DHX16: variants seen among roughly 807,000 people sequenced by gnomAD.
DHX16 encodes the protein pre-mRNA-splicing factor ATP-dependent RNA helicase DHX16.
DHX16 carries 81 observed loss-of-function variants against 131.2 expected under a neutral mutation model. That is an observed-to-expected ratio of 0.62 (90% CI 0.52 to 0.74). The LOEUF is 0.74. Ranked by LOEUF, DHX16 falls within the 30% of genes least tolerant of loss-of-function variation. The pLI is 0.00. For synonymous variants in DHX16, 440 were observed against 520.2 expected, an observed-to-expected ratio of 0.85 and a Z score of 2.10; for missense variants, 980 against 1,363.1, an observed-to-expected ratio of 0.72 and a Z score of 4.43.
chr6:30,659,944 A>C, intron 10 of DHX16, 88 bp downstream of exon 10: 1 of 1,555,052 alleles, frequency 6.4e-7, no homozygotes, highest in Non-Finnish European at 8.8e-7. Context: ...TGAACCTTCC[A>C]TTCCATCTTT....
At position 30,662,855 on chromosome 6, in the gene DHX16, C is replaced by A; in HGVS notation, c.1428+56G>T. The A allele has an allele frequency of 6.3e-7, 1 of 1,575,384 alleles. No individual in the cohort carries two copies. The highest frequency in any genetic ancestry group is 8.7e-7 in the Non-Finnish European group (1 of 1,147,172). On this transcript the variant is annotated intron_variant, in intron 8 of 19. Coordinates refer to ENST00000376442, the MANE Select transcript of DHX16 (RefSeq NM_003587.5). This position sits in a 1 kb window ranked among gnomAD's most constrained non-coding sequence, Gnocchi z 4.7. ...CTTCTGCTGTAGGGACCTGAGGGAA[C>A]TGTAGACTGAGTCACAGACCCCAGA...
chr6:30,654,558 C>CAA, intron 19 of DHX16, 148 bp downstream of exon 19: 2 of 802,022 alleles, frequency 2.5e-6, no homozygotes, highest in Non-Finnish European at 3.7e-6. Context: ...TCAAAAAAAA[C>CAA]AAAAAAAAAC....
Position 30,654,695 on chromosome 6 carries a change from G to A in DHX16, c.2997+11C>T, listed in dbSNP as rs745480451. 1.4e-5 allele frequency: 22 copies of A among 1,607,772 alleles called. No individual in the cohort carries two copies. The highest frequency in any genetic ancestry group is 1.8e-5 in the Non-Finnish European group (21 of 1,177,096). ...GTCTCCACCTGCGTGGGCACAGGAT[G>A]TTCTCCTCACCTGTCTCATGAACTC... On this transcript the variant is annotated intron_variant, in intron 19 of 19. Transcript: ENST00000376442.
Position 30,665,681 on chromosome 6 carries a change from C to A in DHX16, c.719G>T (p.Arg240Leu). 1 of 1,612,450 alleles carries A rather than the reference C, an allele frequency of 6.2e-7. No individual in the cohort carries two copies. Among genetic ancestry groups the A allele is most frequent in the Non-Finnish European group, 8.5e-7 (1 of 1,180,040 alleles). Residue 240 changes from arginine (R) to leucine (L), a missense_variant, in exon 5 of 20, where the codon CGA becomes CTA. Physicochemically the swap from Arg to Leu is moderately radical, Grantham distance 102 (BLOSUM62 -2). Transcript: ENST00000376442. The surrounding 1 kb of genome is among the most constrained non-coding windows in gnomAD (Gnocchi z 4.8). ...SRREYLAKRE[R>L]EKLEDLEAEL... ...CGCCTCCAGGTCCTCAAGCTTCTCT[C>A]GCTCCCGCTTAGCCAGGTACTCTCG...
chr6:30,657,319 G>A (rs919901007), intron 12 of DHX16, among the ~76,000 whole-genome samples: 2 of 150,874 alleles, frequency 1.3e-5, no homozygotes, highest in Non-Finnish European at 2.9e-5. Context: ...TGGAGAAGAG[G>A]ATTTAGGGTT....
At chr6:30,658,542 C>CA (rs538072025) in intron 12 of DHX16, among the ~76,000 whole-genome samples, 3,061 of 81,956 alleles carry the variant, frequency 0.037, 132 homozygotes, top group African/African-American at 0.1. Context: ...GACTCCATCT[C>CA]AAAAAAAAAA....
intron 1 of DHX16, among the ~76,000 whole-genome samples, chr6:30,671,730 G>A (rs990145383): frequency 4.0e-5 from 6 of 151,880 alleles, no homozygotes; most frequent in Non-Finnish European, 8.8e-5. Context: ...TCCTGAATGG[G>A]GTTTTTTATT....
chr6:30,670,535 T>A lies in DHX16; in HGVS notation c.610-69A>T, dbSNP rs1769438022. ...CCCCACACTGACAGCTGCTCCCCTCTAGAATCACAAGGATCATTCAGATGC... is the reference window on the plus strand; with the variant it reads ...CCCCACACTGACAGCTGCTCCCCTCAAGAATCACAAGGATCATTCAGATGC... On this transcript the variant is annotated intron_variant, in intron 3 of 19. Coordinates refer to ENST00000376442, the MANE Select transcript of DHX16 (RefSeq NM_003587.5). This position sits in a 1 kb window ranked among gnomAD's most constrained non-coding sequence, Gnocchi z 4.4. 2 of 1,511,230 alleles carry A rather than the reference T, an allele frequency of 1.3e-6. No homozygotes were observed. The highest frequency in any genetic ancestry group is 1.8e-5 in the Admixed American group (1 of 54,538). The allele number at this position is 1,511,230 out of a possible 1,614,324, so 93.6% of individuals were successfully genotyped here.
chr6:30,669,700 C>T (rs1353641966), intron 4 of DHX16, among the ~76,000 whole-genome samples: 5 of 140,186 alleles, frequency 3.6e-5, no homozygotes, highest in Admixed American at 3.1e-4. Context: ...ACTCCAGCCT[C>T]GGTGACAGGG....
At chr6:30,661,805 C>T (rs1193092629) in intron 9 of DHX16, 18 of 717,712 alleles carry the variant, frequency 2.5e-5, no homozygotes, top group Non-Finnish European at 1.0e-5. Context: ...CAGGCTGGCT[C>T]GATGGGCAAA....
Position 30,672,244 on chromosome 6 carries a change from G to A in DHX16, c.207+391C>T, listed in dbSNP as rs139384809. Among the ~76,000 whole-genome samples, 134 of 151,830 alleles carry A rather than the reference G, an allele frequency of 8.8e-4. 2 individuals carry two copies. The highest frequency in any genetic ancestry group is 3.4e-3 in the Middle Eastern group (1 of 294). On this transcript the variant is annotated intron_variant, in intron 1 of 19. Transcript: ENST00000376442. ...TGAGGTGGGAGGGTCGCTTCAACCA[G>A]GGAGGTCGACGCTGTAGTGAGCCGT...
Position 30,662,564 on chromosome 6 carries a change from G to C in DHX16, c.1544+63C>G. Reference sequence around the variant, plus strand: ...GATTCAAGAACGGGTGGATTAATCAGAAGACAATGGCTGAATTGGCTGGGT... The same window carrying C: ...GATTCAAGAACGGGTGGATTAATCACAAGACAATGGCTGAATTGGCTGGGT... On this transcript the variant is annotated intron_variant, in intron 9 of 19. Coordinates refer to ENST00000376442, the MANE Select transcript of DHX16 (RefSeq NM_003587.5). This position sits in a 1 kb window ranked among gnomAD's most constrained non-coding sequence, Gnocchi z 4.7. The C allele has an allele frequency of 7.1e-7, 1 of 1,399,950 alleles. No homozygotes were observed. The highest frequency in any genetic ancestry group is 1.7e-5 in the Admixed American group (1 of 57,478). The allele number at this position is 1,399,950 out of a possible 1,614,324, so 86.7% of individuals were successfully genotyped here.
At chr6:30,671,379 C>A (rs1024379985) in intron 1 of DHX16, 105 bp from the exon 2 acceptor site, 8 of 1,094,758 alleles carry the variant, frequency 7.3e-6, no homozygotes, top group African/African-American at 1.6e-5. Flanking sequence ...TTCCTGCCCC[C>A]GCGGCCCGGC....
At chr6:30,668,898 G>A (rs962532645) in intron 4 of DHX16, among the ~76,000 whole-genome samples, 1 of 152,050 alleles carries the variant, frequency 6.6e-6, no homozygotes, top group South Asian at 2.1e-4. Context: ...CTGAGGTCAG[G>A]AGTTCAAGAC....
chr6:30,664,492 A>T (rs1044333728), intron 7 of DHX16, among the ~76,000 whole-genome samples: 1 of 151,922 alleles, frequency 6.6e-6, no homozygotes, highest in Admixed American at 6.6e-5. Context: ...AAAAAAAAAA[A>T]AAACTAACAA....
At position 30,655,559 on chromosome 6, in the gene DHX16, A is replaced by G. The variant is rs770574744; in HGVS notation, c.2537T>C (p.Met846Thr). ...GAAGATGGAGTTGTTGACAGAGAGCATGGCAGCCACTGTCAGGATCTCCTC... is the reference window on the plus strand; with the variant it reads ...GAAGATGGAGTTGTTGACAGAGAGCGTGGCAGCCACTGTCAGGATCTCCTC... ...CSEEILTVAAMLSVNNSIFYR... is the reference protein window; with the variant it reads ...CSEEILTVAATLSVNNSIFYR... Residue 846 changes from methionine to threonine, a missense_variant, in exon 17 of 20, where the codon ATG becomes ACG. By Grantham distance (81) the Met-to-Thr change is moderately conservative. Transcript: ENST00000376442. 6.2e-6 allele frequency: 10 copies of G among 1,612,966 alleles called. No individual in the cohort carries two copies. Among genetic ancestry groups the G allele is most frequent in the Non-Finnish European group, 8.5e-6 (10 of 1,180,036 alleles).
chr6:30,670,511 C>A lies in DHX16; in HGVS notation c.610-45G>T. 1 of 1,578,408 alleles carries A rather than the reference C, an allele frequency of 6.3e-7. No homozygotes were observed. The highest frequency in any genetic ancestry group is 8.7e-7 in the Non-Finnish European group (1 of 1,154,604). The stretch of plus-strand genomic sequence containing the variant: ...TGGAGGGGTGTGAGGCCAAAGAGCC[C>A]CCACACTGACAGCTGCTCCCCTCTA... On this transcript the variant is annotated intron_variant, in intron 3 of 19. Coordinates refer to ENST00000376442, the MANE Select transcript of DHX16 (RefSeq NM_003587.5). The surrounding 1 kb of genome is among the most constrained non-coding windows in gnomAD (Gnocchi z 4.4).
chr6:30,668,421 G>T (rs560064702), intron 4 of DHX16, among the ~76,000 whole-genome samples: 46 of 152,158 alleles, frequency 3.0e-4, no homozygotes, highest in African/African-American at 1.0e-3. Flanking sequence ...GAGACCGAGG[G>T]GGGTGGATCG....
chr6:30,671,186 A>G lies in DHX16; in HGVS notation c.296T>C (p.Leu99Ser). 1 of 1,613,014 alleles carries G rather than the reference A, an allele frequency of 6.2e-7. No individual in the cohort carries two copies. Among genetic ancestry groups the G allele is most frequent in the Non-Finnish European group, 8.5e-7 (1 of 1,180,028 alleles). The change falls in exon 2 of 20, where the codon TTA becomes TCA. Residue 99 changes from leucine (L) to serine (S), a missense_variant. Leu to Ser is a moderately radical substitution (Grantham distance 145, BLOSUM62 -2). This residue lies in a region of DHX16 where 457 missense variants were observed against 554.8 expected (regional missense o/e 0.82). Transcript: ENST00000376442. Reference protein sequence around the residue: ...ALLEKNRSYRLLEDSEESSEE... With the variant: ...ALLEKNRSYRSLEDSEESSEE... The stretch of plus-strand genomic sequence containing the variant: ...ACTGCTCTCTTCACTGTCTTCCAGT[A>G]ACCTATAAGATCGGTTCTTCTCCAG...
Sources: gnomAD v4.1 joint callset for allele counts (sites outside exome capture counted in the v4.1 genomes callset) on GRCh38, gnomAD v4.1.1 for gene constraint, gnomAD v4.1.1 regional missense constraint, Gnocchi (gnomAD v3.1) non-coding constraint, MANE v1.5 for transcripts, NCBI Gene and HGNC (gene_info 2026-07-23, HGNC 2026-07-21) for gene names.